RBM43: variants seen among roughly 807,000 people sequenced by gnomAD.
The protein encoded by RBM43 is RNA binding motif protein 43, also known as RNA-binding protein 43.
In RBM43, 12 loss-of-function variants were observed where a neutral mutation model predicts 12.4. That is an observed-to-expected ratio of 0.97 (90% CI 0.62 to 1.57). The LOEUF is 1.57. Among genes scored for constraint, RBM43 ranks in the 40% most tolerant of loss-of-function variants. The pLI, the probability that RBM43 is intolerant of heterozygous loss-of-function variation, is 0.00. For synonymous variants in RBM43, 138 were observed against 145.7 expected (o/e 0.95, Z 0.38); for missense variants, 348 against 400.1 (o/e 0.87, Z 1.11).
At chr2:151,256,640 G>A (rs902722040) in intron 1 of RBM43, among the ~76,000 whole-genome samples, 3 of 152,144 alleles carry the variant, frequency 2.0e-5, no homozygotes, top group Non-Finnish European at 4.4e-5. Flanking sequence ...CCAACATGGT[G>A]AAACCCCATC....
At position 151,250,772 on chromosome 2, in the gene RBM43, G is replaced by C; in HGVS notation, c.*134C>G. On this transcript the variant is annotated 3_prime_UTR_variant, in exon 4 of 4. Coordinates refer to ENST00000331426, the MANE Select transcript of RBM43 (RefSeq NM_198557.3). ...CTAGTTTCTTCCGCTGTAACATGAG[G>C]ATAGTCAACACTGACAAAGAAGGAT... The C allele has an allele frequency of 1.5e-6, 1 of 650,452 alleles. No homozygotes were observed. 40.3% of individuals were successfully genotyped at this position (650,452 alleles called of 1,614,324 possible). A position where few individuals can be genotyped will look rare whatever the true frequency, so the allele number is the denominator to read the frequency against.
chr2:151,261,475 C>T lies in RBM43; in HGVS notation c.3+250G>A, dbSNP rs777818130. On this transcript the variant is annotated intron_variant, in intron 1 of 3. Transcript: ENST00000331426. Reference sequence around the variant, plus strand: ...CTGGAGCGGGCCTATACTGCACCGCCGTACGTGAATTTCAGGAGCGCGCAA... The same window carrying T: ...CTGGAGCGGGCCTATACTGCACCGCTGTACGTGAATTTCAGGAGCGCGCAA... 19 of 1,550,340 alleles carry T rather than the reference C, an allele frequency of 1.2e-5. No individual in the cohort carries two copies. The Middle Eastern group carries it at 6.7e-4, about 55-fold the overall frequency.
rs1682862004 is a variant in RBM43 at position 151,249,369 on chromosome 2, C to G, written c.*1537G>C. The G allele has an allele frequency of 8.1e-6, 1 of 123,312 alleles. No homozygotes were observed. Among genetic ancestry groups the G allele is most frequent in the African/African-American group, 2.8e-5 (1 of 35,132 alleles). 7.6% of individuals were successfully genotyped at this position (123,312 alleles called of 1,614,324 possible). A position where few individuals can be genotyped will look rare whatever the true frequency, so the allele number is the denominator to read the frequency against. ...TAAAACTAAGAATGTTACTTGTGGT[C>G]TTTCTTTTTTTTTTTTTTTTTTTTT... On this transcript the variant is annotated 3_prime_UTR_variant, in exon 4 of 4. Transcript: ENST00000331426.
chr2:151,255,661 T>C lies in RBM43; in HGVS notation c.86A>G (p.Asp29Gly). 6.2e-7 allele frequency: 1 copy of C among 1,613,880 alleles called. No homozygotes were observed. The highest frequency in any genetic ancestry group is 1.3e-5 in the African/African-American group (1 of 75,026). The change falls in exon 2 of 4, where the codon GAT becomes GGT. Residue 29 changes from aspartate to glycine, a missense_variant. Asp to Gly is a moderately conservative substitution (Grantham distance 94). Coordinates refer to ENST00000331426, the MANE Select transcript of RBM43 (RefSeq NM_198557.3). ...VAGLPVDLFSDQLLAVLVKSH... is the reference protein window; with the variant it reads ...VAGLPVDLFSGQLLAVLVKSH... ...CTTCACTAATACGGCCAATAATTGA[T>C]CACTAAAAAGGTCAACTGGAAGACC...
At chr2:151,261,525 C>T in intron 1 of RBM43, 200 bp downstream of exon 1, 6 of 1,547,378 alleles carry the variant, frequency 3.9e-6, no homozygotes, top group Non-Finnish European at 5.2e-6. Context: ...AAGGGTGCAG[C>T]GAGGCTGACC....
rs772446441 is a variant in RBM43 at position 151,255,599 on chromosome 2, C to T, written c.148G>A (p.Val50Ile). Reference sequence around the variant, plus strand: ...CTTGTCGGATATATCACATCTTCAACATCTCCGCCCTCATTCTTAATGTCT... The same window carrying T: ...CTTGTCGGATATATCACATCTTCAATATCTCCGCCCTCATTCTTAATGTCT... ...FQDIKNEGGD[V>I]EDVIYPTRTK... The change falls in exon 2 of 4, where the codon GTT becomes ATT. Residue 50 changes from valine to isoleucine, a missense_variant. Physicochemically the swap from Val to Ile is conservative, Grantham distance 29. Transcript: ENST00000331426. The T allele has an allele frequency of 3.7e-6, 6 of 1,613,906 alleles. No individual in the cohort carries two copies. Among genetic ancestry groups the T allele is most frequent in the Admixed American group, 3.3e-5 (2 of 60,012 alleles).
rs145791584 is a variant in RBM43, at chr2:151,252,813, C to A, written c.257G>T (p.Arg86Met). The A allele has an allele frequency of 2.0e-4, 320 of 1,611,884 alleles. No homozygotes were observed. Among genetic ancestry groups the A allele is most frequent in the Non-Finnish European group, 2.2e-4 (261 of 1,178,348 alleles). The change falls in exon 3 of 4, where the codon AGG becomes ATG. Residue 86 changes from arginine to methionine, a missense_variant. Physicochemically the swap from Arg to Met is moderately conservative, Grantham distance 91 (BLOSUM62 -1). Transcript: ENST00000331426. ...TGTGAGTTCAGCATGTCTAGTCTTC[C>A]TTGCTAGCCAGTGTTTCTTTTGTCT... ...VIRQKKHWLARKTRHAELTVS... is the reference protein window; with the variant it reads ...VIRQKKHWLAMKTRHAELTVS...
At chr2:151,254,292 T>TCC in intron 2 of RBM43, among the ~76,000 whole-genome samples, 1 of 151,522 alleles carries the variant, frequency 6.6e-6, no homozygotes, top group Admixed American at 6.6e-5. Context: ...GGCCAATCTC[T>TCC]CTCTCTCTCT....
chr2:151,258,644 T>G (rs1365479493), intron 1 of RBM43, among the ~76,000 whole-genome samples: 1 of 151,970 alleles, frequency 6.6e-6, no homozygotes, highest in East Asian at 1.9e-4. Flanking sequence ...GAGGCTGCAG[T>G]GAGCCAGGAT....
intron 2 of RBM43, among the ~76,000 whole-genome samples, chr2:151,254,321 GTCTC>G (rs1682946784): frequency 1.3e-5 from 2 of 150,086 alleles, no homozygotes; most frequent in Non-Finnish European, 2.9e-5. Flanking sequence ...CTCTCTCTCT[GTCTC>G]TCTGAGTTGC....
intron 1 of RBM43, among the ~76,000 whole-genome samples, chr2:151,260,283 G>A (rs1393801769): frequency 6.6e-6 from 1 of 151,854 alleles, no homozygotes; most frequent in Non-Finnish European, 1.5e-5. Flanking sequence ...ATGCCATCAC[G>A]CCCAGCTAAT....
intron 2 of RBM43, among the ~76,000 whole-genome samples, chr2:151,255,051 C>T (rs1682953845): frequency 6.6e-6 from 1 of 152,144 alleles, no homozygotes; most frequent in East Asian, 1.9e-4. Context: ...TTATCATGAG[C>T]CATTTTCATA....
chr2:151,254,735 A>G (rs958990770), intron 2 of RBM43, among the ~76,000 whole-genome samples: 6 of 152,180 alleles, frequency 3.9e-5, no homozygotes, highest in African/African-American at 1.2e-4. Flanking sequence ...GATTGGGTGC[A>G]GGGAGCAGAA....
Position 151,255,582 on chromosome 2 carries a change from A to T in RBM43, c.165T>A (p.Tyr55Ter). The T allele has an allele frequency of 6.2e-7, 1 of 1,613,818 alleles. No individual in the cohort carries two copies. Among genetic ancestry groups the T allele is most frequent in the South Asian group, 1.1e-5 (1 of 91,076 alleles). ...NEGGDVEDVI[Y>*]PTRTKGVAYV... ...ATGCAACTCCCTTGGTTCTTGTCGG[A>T]TATATCACATCTTCAACATCTCCGC... Residue 55 changes from tyrosine (Y) to a stop codon, truncating the protein, a stop_gained, in exon 2 of 4, where the codon TAT becomes TAA. Coordinates refer to ENST00000331426, the MANE Select transcript of RBM43 (RefSeq NM_198557.3). LOFTEE classifies it high-confidence loss of function.
At position 151,250,004 on chromosome 2, in the gene RBM43, A is replaced by T. The variant is rs1300975492; in HGVS notation, c.*902T>A. On this transcript the variant is annotated 3_prime_UTR_variant, in exon 4 of 4. Coordinates refer to ENST00000331426, the MANE Select transcript of RBM43 (RefSeq NM_198557.3). The stretch of plus-strand genomic sequence containing the variant: ...ACAATTATAAAAGAATCACCATTTT[A>T]TGTAAGCACTTAGGCTAAAAAAATA... 6.6e-6 allele frequency: 1 copy of T among 152,228 alleles called. No homozygotes were observed. The highest frequency in any genetic ancestry group is 1.5e-5 in the Non-Finnish European group (1 of 68,040). 9.4% of individuals were successfully genotyped at this position (152,228 alleles called of 1,614,324 possible).
rs1682842485 is a variant in RBM43 at position 151,247,995 on chromosome 2, A to T, written c.*2911T>A. 6.6e-6 allele frequency: 1 copy of T among 152,210 alleles called. No individual in the cohort carries two copies. Among genetic ancestry groups the T allele is most frequent in the Non-Finnish European group, 1.5e-5 (1 of 68,000 alleles). The allele number at this position is 152,210 out of a possible 1,614,324, so 9.4% of individuals were successfully genotyped here. A position where few individuals can be genotyped will look rare whatever the true frequency, so the allele number is the denominator to read the frequency against. On this transcript the variant is annotated 3_prime_UTR_variant, in exon 4 of 4. Coordinates refer to ENST00000331426, the MANE Select transcript of RBM43 (RefSeq NM_198557.3). Reference sequence around the variant, plus strand: ...TTAGTCATGATATAGTAAAACACGTAAATTCACCAGTTTATAAAAATGATT... The same window carrying T: ...TTAGTCATGATATAGTAAAACACGTTAATTCACCAGTTTATAAAAATGATT...
chr2:151,261,632 C>A, intron 1 of RBM43, 93 bp downstream of exon 1: 1 of 1,551,554 alleles, frequency 6.4e-7, no homozygotes, highest in Non-Finnish European at 8.7e-7. Context: ...TGCACCCTGG[C>A]CCGTCGCGCC....
At position 151,255,532 on chromosome 2, in the gene RBM43, C is replaced by A; in HGVS notation, c.214+1G>T. The A allele has an allele frequency of 6.3e-7, 1 of 1,589,724 alleles. No individual in the cohort carries two copies. Among genetic ancestry groups the A allele is most frequent in the Non-Finnish European group, 8.6e-7 (1 of 1,166,056 alleles). On this transcript the variant is annotated splice_donor_variant, in intron 2 of 3. Transcript: ENST00000331426. LOFTEE classifies it high-confidence loss of function. The stretch of plus-strand genomic sequence containing the variant: ...ATTACAAAAATTTGACTTGGAAATA[C>A]CTTTTTTTTCTTTGAATATTACATA...
At chr2:151,259,145 A>AAC in intron 1 of RBM43, among the ~76,000 whole-genome samples, 1 of 152,108 alleles carries the variant, frequency 6.6e-6, no homozygotes, top group South Asian at 2.1e-4. Context: ...CCCCAAAAAA[A>AAC]AAAAGGAAGA....
Sources: allele counts gnomAD v4.1 joint callset (sites outside exome capture counted in the v4.1 genomes callset), GRCh38; gene constraint gnomAD v4.1.1; transcripts MANE v1.5; gene names NCBI Gene and HGNC (gene_info 2026-07-23, HGNC 2026-07-21).